Variants in SHISA6 observed in about 807,000 individuals in gnomAD.
SHISA6 encodes the protein protein shisa-6.
A neutral mutation model predicts 47.9 loss-of-function variants in SHISA6; 22 were observed. The observed-to-expected ratio is 0.46, with a 90% confidence interval of 0.33 to 0.66. The LOEUF is 0.66. Ranked by LOEUF, SHISA6 falls within the 30% of genes least tolerant of loss-of-function variation. The pLI is 0.02. For synonymous variants in SHISA6, 388 were observed against 337.8 expected (o/e 1.15, Z -1.63); for missense variants, 680 against 764.6 (o/e 0.89, Z 1.30).
intron 2 of SHISA6, among the ~76,000 whole-genome samples, chr17:11,356,183 A>C (rs1257677582): frequency 1.3e-5 from 2 of 152,230 alleles, no homozygotes; most frequent in Non-Finnish European, 1.5e-5. Context: ...ACCATTGACA[A>C]TTTCCCATCT....
intron 2 of SHISA6, among the ~76,000 whole-genome samples, chr17:11,357,649 T>A (rs1403279167): frequency 6.6e-6 from 1 of 152,254 alleles, no homozygotes; most frequent in Non-Finnish European, 1.5e-5. Context: ...CAAGTGACTG[T>A]GTGGCATCTA....
chr17:11,338,610 C>T (rs1330914372), intron 2 of SHISA6, among the ~76,000 whole-genome samples: 15 of 151,848 alleles, frequency 9.9e-5, no homozygotes, highest in Non-Finnish European at 1.6e-4. Flanking sequence ...GGGGTTTCAC[C>T]GTGTTGGCCA....
chr17:11,534,124 C>T lies in SHISA6; in HGVS notation c.896-17772C>T, dbSNP rs894602498. Among the ~76,000 whole-genome samples, 9 of 151,166 alleles carry T rather than the reference C, an allele frequency of 6.0e-5. No homozygotes were observed. In the East Asian group the frequency reaches 1.6e-3, roughly 26 times the overall value. On this transcript the variant is annotated intron_variant, in intron 3 of 5. Coordinates refer to ENST00000441885, the MANE Select transcript of SHISA6 (RefSeq NM_207386.4). ...CTTCCCAAATAGCTGGGATTACAGG[C>T]GCCTGCCACCATGCCTTGCTAATCT...
Position 11,559,475 on chromosome 17 carries a change from T to C in SHISA6, c.*1171T>C, listed in dbSNP as rs1269641362. On this transcript the variant is annotated 3_prime_UTR_variant, in exon 6 of 6. Coordinates refer to ENST00000441885, the MANE Select transcript of SHISA6 (RefSeq NM_207386.4). The surrounding 1 kb of genome is among the most constrained non-coding windows in gnomAD (Gnocchi z 4.4). ...TGTCCTGCATCCTCTCCGCTCATCCTTCCTTCCCCATCTCTGTCTACCTGC... is the reference window on the plus strand; with the variant it reads ...TGTCCTGCATCCTCTCCGCTCATCCCTCCTTCCCCATCTCTGTCTACCTGC... 6.6e-6 allele frequency: 1 copy of C among 152,410 alleles called. No individual in the cohort carries two copies. The highest frequency in any genetic ancestry group is 1.5e-5 in the Non-Finnish European group (1 of 68,186). 9.4% of individuals were successfully genotyped at this position (152,410 alleles called of 1,614,324 possible).
rs563984933 is a variant in SHISA6 at position 11,259,332 on chromosome 17, G to A, written c.639-4034G>A. On this transcript the variant is annotated intron_variant, in intron 1 of 5. Transcript: ENST00000441885. Reference sequence around the variant, plus strand: ...TAAAAGTTTTCATTTTCTTAACAACGAAATAGGGCTACCGATGGCACATCC... The same window carrying A: ...TAAAAGTTTTCATTTTCTTAACAACAAAATAGGGCTACCGATGGCACATCC... Among the ~76,000 whole-genome samples the A allele has an allele frequency of 7.9e-5, 12 of 152,262 alleles. No individual in the cohort carries two copies. In the South Asian group the frequency reaches 1.9e-3, roughly 24 times the overall value.
chr17:11,262,732 T>C (rs1908278653), intron 1 of SHISA6, among the ~76,000 whole-genome samples: 1 of 152,208 alleles, frequency 6.6e-6, no homozygotes, highest in Non-Finnish European at 1.5e-5. Context: ...CTGTCTCTCT[T>C]TCTTCCTGTG....
intron 3 of SHISA6, among the ~76,000 whole-genome samples, chr17:11,413,111 T>C (rs563662179): frequency 1.9e-4 from 29 of 152,094 alleles, no homozygotes; most frequent in Non-Finnish European, 3.2e-4. Context: ...CACACACAGA[T>C]CTGTGGATGG....
intron 3 of SHISA6, among the ~76,000 whole-genome samples, chr17:11,498,826 C>G (rs1217005362): frequency 1.3e-5 from 2 of 152,114 alleles, no homozygotes; most frequent in African/African-American, 2.4e-5. Flanking sequence ...CTTCTCTGAG[C>G]CTGTATCCCC....
intron 3 of SHISA6, among the ~76,000 whole-genome samples, chr17:11,504,771 A>C (rs531306810): frequency 6.6e-6 from 1 of 152,268 alleles, no homozygotes; most frequent in South Asian, 2.1e-4. Flanking sequence ...TCCTCATGGG[A>C]AGGGGACTTA....
chr17:11,497,786 C>G (rs991099507), intron 3 of SHISA6, among the ~76,000 whole-genome samples: 1 of 152,084 alleles, frequency 6.6e-6, no homozygotes, highest in Non-Finnish European at 1.5e-5. Context: ...CTCTGTCTCT[C>G]GCATCCTACG....
At chr17:11,304,315 G>A (rs1910031314) in intron 2 of SHISA6, among the ~76,000 whole-genome samples, 1 of 152,190 alleles carries the variant, frequency 6.6e-6, no homozygotes, top group East Asian at 1.9e-4. Context: ...CACGAGCAGA[G>A]GGAGGATGAT....
chr17:11,455,282 G>A lies in SHISA6; in HGVS notation c.895+75773G>A, dbSNP rs76928335. 6.0e-4 allele frequency among the ~76,000 whole-genome samples: 91 copies of A among 152,320 alleles called. No individual in the cohort carries two copies. In the East Asian group the frequency reaches 0.016, roughly 27 times the overall value. ...TAAAATAAAAGAGAGGGAGTTTGTG[G>A]AGATTTCATATGGGATAATAGCACC... On this transcript the variant is annotated intron_variant, in intron 3 of 5. Coordinates refer to ENST00000441885, the MANE Select transcript of SHISA6 (RefSeq NM_207386.4).
intron 3 of SHISA6, among the ~76,000 whole-genome samples, chr17:11,471,757 C>T (rs534289972): frequency 6.6e-6 from 1 of 152,282 alleles, no homozygotes; most frequent in Non-Finnish European, 1.5e-5. Context: ...GAGCACCATG[C>T]CTGGCACATA....
At chr17:11,403,135 A>G (rs186618433) in intron 3 of SHISA6, among the ~76,000 whole-genome samples, 11 of 152,302 alleles carry the variant, frequency 7.2e-5, no homozygotes, top group Admixed American at 5.9e-4. Flanking sequence ...TATCCCTAAG[A>G]CTTCATAATG....
At chr17:11,527,225 A>T (rs1005628183) in intron 3 of SHISA6, among the ~76,000 whole-genome samples, 4 of 152,144 alleles carry the variant, frequency 2.6e-5, no homozygotes, top group Admixed American at 1.3e-4. Context: ...GCTATTCCAT[A>T]AAGAGCTCTG....
chr17:11,407,922 A>G (rs1257054792), intron 3 of SHISA6, among the ~76,000 whole-genome samples: 6 of 152,190 alleles, frequency 3.9e-5, no homozygotes, highest in African/African-American at 1.4e-4. Context: ...CTTTTGTATA[A>G]GGTGGCTTCA....
At chr17:11,543,179 C>G (rs78483071) in intron 3 of SHISA6, among the ~76,000 whole-genome samples, 3,464 of 152,236 alleles carry the variant, frequency 0.023, 55 homozygotes, top group Non-Finnish European at 0.035. Context: ...CTTGTGTCTT[C>G]TCCTAACTTT....
At chr17:11,452,763 C>CTCTT (rs2142307030) in intron 3 of SHISA6, among the ~76,000 whole-genome samples, 1 of 148,648 alleles carries the variant, frequency 6.7e-6, no homozygotes, top group South Asian at 2.2e-4. Flanking sequence ...CCTTCTCTTA[C>CTCTT]TCTTCCTTCT....
intron 3 of SHISA6, among the ~76,000 whole-genome samples, chr17:11,530,164 C>CA (rs2071720085): frequency 6.6e-6 from 1 of 152,090 alleles, no homozygotes; most frequent in South Asian, 2.1e-4. Context: ...TTAGGGAAAA[C>CA]AATTAAGGAC....
Sources: gnomAD v4.1 joint callset for allele counts (sites outside exome capture counted in the v4.1 genomes callset) on GRCh38, gnomAD v4.1.1 for gene constraint, Gnocchi (gnomAD v3.1) non-coding constraint, MANE v1.5 for transcripts, NCBI Gene and HGNC (gene_info 2026-07-23, HGNC 2026-07-21) for gene names.